Variants in HPSE observed in about 807,000 individuals in gnomAD.
HPSE encodes the protein heparanase.
In HPSE, 48 loss-of-function variants were observed where a neutral mutation model predicts 65.1. That is an observed-to-expected ratio of 0.74 (90% confidence interval 0.58 to 0.94). The LOEUF (loss-of-function observed/expected upper bound fraction) is 0.94, where lower values mean the gene tolerates loss of function less well. HPSE is among the 40% of genes least tolerant of loss of function. The pLI is 0.00. For missense variants in HPSE, 644 were observed against 637.5 expected, an observed-to-expected ratio of 1.01 and a Z score of -0.11; for synonymous variants, 243 against 260.0, an observed-to-expected ratio of 0.93 and a Z score of 0.63.
chr4:83,309,978 A>G (rs1224163682), intron 6 of HPSE, 53 bp downstream of exon 6: 10 of 1,319,016 alleles, frequency 7.6e-6, no homozygotes, highest in Non-Finnish European at 1.1e-5. Flanking sequence ...ATACTAGGTA[A>G]TAAATAAAGC....
chr4:83,295,107 A>C lies in HPSE; in HGVS notation c.*237T>G, dbSNP rs1735673713. ...ACAAAACAAAACTTTAGATAAAAGT[A>C]AAACATGCAAAATGCTAAGCAGTAT... is the stretch of plus-strand genomic sequence containing the variant. On this transcript the variant is annotated 3_prime_UTR_variant, in exon 12 of 12. Transcript: ENST00000311412. 3.9e-6 allele frequency: 1 copy of C among 257,378 alleles called. No individual in the cohort carries two copies. Among genetic ancestry groups the C allele is most frequent in the South Asian group, 1.7e-4 (1 of 5,970 alleles). The allele number at this position is 257,378 out of a possible 1,614,324, so 15.9% of individuals were successfully genotyped here.
intron 1 of HPSE, 136 bp downstream of exon 1, chr4:83,334,420 A>G: frequency 4.3e-6 from 4 of 940,882 alleles, no homozygotes; most frequent in Non-Finnish European, 6.3e-6. Context: ...AGAGGCGGGA[A>G]GTGGGGTGGG....
intron 2 of HPSE, among the ~76,000 whole-genome samples, chr4:83,319,777 CT>C (rs1296328657): frequency 6.6e-6 from 1 of 152,048 alleles, no homozygotes. Context: ...CTTGAAATTA[CT>C]GGCCGGGTGC....
intron 3 of HPSE, among the ~76,000 whole-genome samples, chr4:83,315,899 T>C (rs1034376258): frequency 1.1e-4 from 16 of 152,240 alleles, no homozygotes; most frequent in African/African-American, 3.9e-4. Context: ...TTCTTCATTC[T>C]TCCAAATGCA....
At chr4:83,334,927 C>T (rs1297329763), upstream of HPSE, 3 of 1,303,336 alleles carry the variant, frequency 2.3e-6, no homozygotes, top group Non-Finnish European at 3.1e-6. Flanking sequence ...CTGCGCCCTC[C>T]ATCCCTCCCA....
intron 1 of HPSE, among the ~76,000 whole-genome samples, chr4:83,328,709 T>TA (rs1419573599): frequency 1.3e-5 from 2 of 151,568 alleles, no homozygotes; most frequent in Non-Finnish European, 2.9e-5. Context: ...CGGGGTGGTT[T>TA]CTGCAGAGGC....
intron 8 of HPSE, among the ~76,000 whole-genome samples, chr4:83,308,411 T>G (rs1180518535): frequency 1.3e-5 from 2 of 152,010 alleles, no homozygotes; most frequent in Non-Finnish European, 2.9e-5. Flanking sequence ...AAAGACAGTC[T>G]CACTCTGTTG....
At chr4:83,328,063 C>A (rs991165698) in intron 1 of HPSE, among the ~76,000 whole-genome samples, 19 of 152,140 alleles carry the variant, frequency 1.2e-4, no homozygotes, top group African/African-American at 3.6e-4. Flanking sequence ...GGCGACAGAC[C>A]TAAAGGGGTA....
At chr4:83,323,041 T>C (rs916705940) in intron 1 of HPSE, among the ~76,000 whole-genome samples, 1 of 151,820 alleles carries the variant, frequency 6.6e-6, no homozygotes, top group Admixed American at 6.6e-5. Context: ...TTATGATGGA[T>C]GGGGAGAAAG....
chr4:83,299,524 G>A, intron 11 of HPSE, among the ~76,000 whole-genome samples: 1 of 151,898 alleles, frequency 6.6e-6, no homozygotes, highest in East Asian at 1.9e-4. Flanking sequence ...GCATAGAGGG[G>A]AAAAAATAAA....
At chr4:83,328,652 C>T (rs1424743655) in intron 1 of HPSE, among the ~76,000 whole-genome samples, 1 of 151,630 alleles carries the variant, frequency 6.6e-6, no homozygotes, top group East Asian at 1.9e-4. Flanking sequence ...ATGGTGCCAT[C>T]ATGAGGGCAG....
intron 8 of HPSE, among the ~76,000 whole-genome samples, chr4:83,307,863 G>A (rs896592309): frequency 2.0e-5 from 3 of 152,190 alleles, no homozygotes; most frequent in African/African-American, 4.8e-5. Flanking sequence ...GGATATAGCA[G>A]TATAGATTAA....
chr4:83,328,991 C>T (rs1180969584), intron 1 of HPSE, among the ~76,000 whole-genome samples: 1 of 152,110 alleles, frequency 6.6e-6, no homozygotes, highest in African/African-American at 2.4e-5. Context: ...AGTAATTGCT[C>T]ATTTTCTTTG....
chr4:83,298,032 T>C (rs1026330398), intron 11 of HPSE, among the ~76,000 whole-genome samples: 5 of 152,236 alleles, frequency 3.3e-5, no homozygotes, highest in African/African-American at 9.6e-5. Context: ...CAAGATATTA[T>C]ACCATCAGGC....
intron 9 of HPSE, among the ~76,000 whole-genome samples, chr4:83,305,889 T>TA (rs1736130089): frequency 6.6e-6 from 1 of 152,230 alleles, no homozygotes; most frequent in East Asian, 1.9e-4. Context: ...ATTTACTTTG[T>TA]AAAACATTTG....
intron 11 of HPSE, among the ~76,000 whole-genome samples, chr4:83,298,868 CTGT>C (rs1735827415): frequency 1.3e-5 from 2 of 152,056 alleles, no homozygotes; most frequent in African/African-American, 2.4e-5. Flanking sequence ...TTAAAGGTGA[CTGT>C]TGTTTAACTC....
Position 83,310,072 on chromosome 4 carries a change from C to CT in HPSE, c.848_849insA (p.Lys284GlufsTer8). ...AATCAATCACTTCTCCACCAGCCTT[C>CT]AGGAAGCTAGAAAAAAAATTTTATT... On this transcript the variant is annotated frameshift_variant, in exon 6 of 12. Transcript: ENST00000311412. LOFTEE classifies it high-confidence loss of function. 1 of 1,610,000 alleles carries CT rather than the reference C, an allele frequency of 6.2e-7. No homozygotes were observed. Among genetic ancestry groups the CT allele is most frequent in the South Asian group, 1.1e-5 (1 of 90,766 alleles).
chr4:83,321,318 C>T (rs1337280539), intron 2 of HPSE, among the ~76,000 whole-genome samples: 1 of 152,128 alleles, frequency 6.6e-6, no homozygotes, highest in Non-Finnish European at 1.5e-5. Flanking sequence ...GCCCCAATTA[C>T]TGATGAATTG....
rs1004586466 is a variant in HPSE at position 83,299,890 on chromosome 4, A to G, written c.1472+1070T>C. 5.9e-5 allele frequency among the ~76,000 whole-genome samples: 9 copies of G among 152,102 alleles called. No homozygotes were observed. In the South Asian group the frequency reaches 1.9e-3, roughly 32 times the overall value. On this transcript the variant is annotated intron_variant, in intron 11 of 11. Transcript: ENST00000311412. ...TGGCTAATTTTGGTATATTTTGTAG[A>G]GAGAGTTTTGCCATATTGCCCAGGC...
Sources: allele counts gnomAD v4.1 joint callset (sites outside exome capture counted in the v4.1 genomes callset), GRCh38; gene constraint gnomAD v4.1.1; transcripts MANE v1.5; gene names NCBI Gene and HGNC (gene_info 2026-07-23, HGNC 2026-07-21).